The following UNC13C variants were observed in gnomAD, a reference collection of about 807,000 sequenced individuals.
The protein encoded by UNC13C is protein unc-13 homolog C.
Under a neutral mutation model 245.4 loss-of-function variants are expected in UNC13C, and 174 were observed. That is an observed-to-expected ratio of 0.71 (90% confidence interval 0.63 to 0.80). UNC13C has a LOEUF of 0.80. Among genes scored for constraint, UNC13C ranks in the 30% least tolerant of loss-of-function variants. The pLI, the probability that UNC13C is intolerant of heterozygous loss-of-function variation, is 0.00. For synonymous variants in UNC13C, 992 were observed against 895.1 expected (o/e 1.11, Z -1.93); for missense variants, 2,829 against 2,602.9 (o/e 1.09, Z -1.89).
chr15:54,551,192 A>G (rs747559283), intron 28 of UNC13C, among the ~76,000 whole-genome samples: 17 of 152,100 alleles, frequency 1.1e-4, no homozygotes, highest in Non-Finnish European at 2.2e-4. Context: ...CTTGTTTGAT[A>G]CGTTGCCATA....
At chr15:54,291,676 C>A (rs1185839697) in intron 10 of UNC13C, among the ~76,000 whole-genome samples, 1 of 151,742 alleles carries the variant, frequency 6.6e-6, no homozygotes, top group Non-Finnish European at 1.5e-5. Context: ...GTGTTATTAC[C>A]CCATGTTATT....
intron 19 of UNC13C, among the ~76,000 whole-genome samples, chr15:54,474,132 G>T (rs1047030920): frequency 7.2e-5 from 11 of 151,978 alleles, no homozygotes; most frequent in African/African-American, 2.4e-5. Context: ...GGGGGTGCAG[G>T]TATTTCTTTT....
At chr15:54,444,618 C>T (rs183698994) in intron 19 of UNC13C, among the ~76,000 whole-genome samples, 146 of 151,494 alleles carry the variant, frequency 9.6e-4, no homozygotes, top group African/African-American at 3.5e-3. Flanking sequence ...CTTTTTCTCT[C>T]CTATTATTTA....
At chr15:54,285,086 A>C (rs2037107636) in intron 10 of UNC13C, among the ~76,000 whole-genome samples, 1 of 152,136 alleles carries the variant, frequency 6.6e-6, no homozygotes, top group Admixed American at 6.6e-5. Context: ...CAACCCTTAA[A>C]AGCCAGTGCA....
At chr15:54,113,442 T>G (rs1447509117) in intron 2 of UNC13C, among the ~76,000 whole-genome samples, 2 of 152,174 alleles carry the variant, frequency 1.3e-5, no homozygotes, top group African/African-American at 4.8e-5. Context: ...GTCAGATATC[T>G]GCAGCTGTAG....
chr15:54,517,358 G>A (rs552224294), intron 24 of UNC13C, among the ~76,000 whole-genome samples: 1 of 152,268 alleles, frequency 6.6e-6, no homozygotes, highest in South Asian at 2.1e-4. Context: ...TTCGTATTTA[G>A]TTAGAATATC....
chr15:53,905,457 TA>T, the UNC13C span, among the ~76,000 whole-genome samples: 1 of 144,084 alleles, frequency 6.9e-6, no homozygotes, highest in Non-Finnish European at 1.5e-5. Flanking sequence ...GGTCTAAAAA[TA>T]AAGAAAATCC....
the UNC13C span, among the ~76,000 whole-genome samples, chr15:53,841,245 A>G: frequency 1.3e-5 from 2 of 152,100 alleles, no homozygotes; most frequent in Non-Finnish European, 2.9e-5. Context: ...ACAACTACCA[A>G]TTGGTGGAGC....
chr15:54,203,759 T>TATATATGTATATATACAC (rs1366608246), intron 4 of UNC13C, among the ~76,000 whole-genome samples: 2 of 106,788 alleles, frequency 1.9e-5, no homozygotes, highest in Non-Finnish European at 4.5e-5. Flanking sequence ...TATATACACA[T>TATATATGTATATATACAC]ATATATGTAT....
upstream of UNC13C, among the ~76,000 whole-genome samples, chr15:53,976,473 C>CTTTTTTTTTTTTTTTTT (rs1164175117): frequency 3.6e-5 from 1 of 27,522 alleles, no homozygotes. Flanking sequence ...CTCTCTCTCT[C>CTTTTTTTTTTTTTTTTT]TCTCTTTTTT....
intron 1 of UNC13C, among the ~76,000 whole-genome samples, chr15:53,989,760 T>A (rs1281047340): frequency 1.3e-5 from 2 of 152,034 alleles, no homozygotes; most frequent in East Asian, 3.9e-4. Flanking sequence ...TTATTTATAC[T>A]AATGTATAAT....
At chr15:54,481,212 T>G (rs1276364834) in intron 19 of UNC13C, among the ~76,000 whole-genome samples, 1 of 152,140 alleles carries the variant, frequency 6.6e-6, no homozygotes, top group East Asian at 1.9e-4. Flanking sequence ...ATGCTAGGCA[T>G]GCTGGTCCTC....
the UNC13C span, among the ~76,000 whole-genome samples, chr15:53,875,086 C>T: frequency 8.1e-5 from 12 of 147,350 alleles, no homozygotes; most frequent in East Asian, 7.8e-4. Context: ...AGTGAGACTC[C>T]GTCTCAAAAT....
At chr15:54,268,047 T>A (rs1055585164) in intron 10 of UNC13C, among the ~76,000 whole-genome samples, 5 of 152,044 alleles carry the variant, frequency 3.3e-5, no homozygotes, top group African/African-American at 1.2e-4. Flanking sequence ...GCTGCACCTA[T>A]CAACCCATCA....
chr15:54,357,862 GTATT>G (rs926358214), intron 17 of UNC13C, among the ~76,000 whole-genome samples: 11 of 151,722 alleles, frequency 7.3e-5, no homozygotes, highest in Non-Finnish European at 1.3e-4. Context: ...ATGTGTGTGT[GTATT>G]TATGTAAACC....
chr15:53,953,485 G>A, the UNC13C span, among the ~76,000 whole-genome samples: 1 of 152,156 alleles, frequency 6.6e-6, no homozygotes, highest in Non-Finnish European at 1.5e-5. Context: ...GTAATATTAA[G>A]GCATCACCCA....
chr15:54,008,163 A>G (rs1392127740), intron 1 of UNC13C, among the ~76,000 whole-genome samples: 1 of 152,218 alleles, frequency 6.6e-6, no homozygotes, highest in Non-Finnish European at 1.5e-5. Context: ...TTCTCTTAAA[A>G]ATGAATATGT....
intron 30 of UNC13C, among the ~76,000 whole-genome samples, chr15:54,572,382 C>T (rs1159626244): frequency 2.6e-5 from 4 of 151,288 alleles, no homozygotes; most frequent in African/African-American, 9.7e-5. Flanking sequence ...TAATCATTTA[C>T]CTTATGATCA....
the UNC13C span, among the ~76,000 whole-genome samples, chr15:53,880,453 G>A: frequency 6.6e-6 from 1 of 152,206 alleles, no homozygotes; most frequent in Non-Finnish European, 1.5e-5. Flanking sequence ...CGAACTACAC[G>A]TTTGGTTTTC....
Sources: allele counts gnomAD v4.1 joint callset (sites outside exome capture counted in the v4.1 genomes callset), GRCh38; gene constraint gnomAD v4.1.1; transcripts MANE v1.5; gene names NCBI Gene and HGNC (gene_info 2026-07-23, HGNC 2026-07-21).